Variants in TANC1 observed in about 807,000 individuals in gnomAD.
TANC1 encodes the protein protein TANC1.
A neutral mutation model predicts 149.7 loss-of-function variants in TANC1; 77 were observed. The observed-to-expected ratio is 0.51, with a 90% CI of 0.43 to 0.62. The LOEUF is 0.62. Among genes scored for constraint, TANC1 ranks in the 20% least tolerant of loss-of-function variants. The pLI is 0.00. For missense variants in TANC1, 1,985 were observed against 2,321.8 expected (o/e 0.85, Z 2.98); for synonymous variants, 854 against 925.0 (o/e 0.92, Z 1.39).
chr2:159,138,696 T>A (rs1423519062), intron 5 of TANC1, among the ~76,000 whole-genome samples: 1 of 152,242 alleles, frequency 6.6e-6, no homozygotes, highest in East Asian at 1.9e-4. Context: ...CATTCTTGTT[T>A]AAGTTTCTAA....
intron 1 of TANC1, among the ~76,000 whole-genome samples, chr2:158,983,992 TC>T (rs2034724275): frequency 1.3e-5 from 2 of 152,234 alleles, no homozygotes; most frequent in African/African-American, 4.8e-5. Context: ...ATCAGCTGTT[TC>T]CAAGTCTTGG....
At chr2:159,210,049 G>A (rs961498413) in intron 19 of TANC1, among the ~76,000 whole-genome samples, 4 of 148,702 alleles carry the variant, frequency 2.7e-5, no homozygotes, top group African/African-American at 4.9e-5. Flanking sequence ...GAGCCCAGCC[G>A]CCCTGCCCTG....
chr2:159,076,677 A>G (rs1245883156), intron 3 of TANC1, among the ~76,000 whole-genome samples: 3 of 152,192 alleles, frequency 2.0e-5, no homozygotes, highest in African/African-American at 7.2e-5. Flanking sequence ...AAGTAATGAC[A>G]TTTTGAAGTT....
At chr2:158,992,242 C>T (rs2035701793) in intron 1 of TANC1, among the ~76,000 whole-genome samples, 1 of 151,572 alleles carries the variant, frequency 6.6e-6, no homozygotes, top group Non-Finnish European at 1.5e-5. Context: ...TGTGCACCTG[C>T]AATCTCATCT....
At chr2:159,074,330 C>T (rs1047433343) in intron 3 of TANC1, among the ~76,000 whole-genome samples, 1 of 152,140 alleles carries the variant, frequency 6.6e-6, no homozygotes, top group Non-Finnish European at 1.5e-5. Context: ...AGATTTGGTA[C>T]ATGGTGATGA....
chr2:159,102,170 A>G (rs264640), intron 4 of TANC1, among the ~76,000 whole-genome samples: 146,521 of 152,242 alleles, frequency 0.96, 70,607 homozygotes, highest in East Asian at 1. Flanking sequence ...ATCCCATCGA[A>G]AAAGAACTAC....
rs569910739 is a variant in TANC1 at position 159,042,272 on chromosome 2, A to T, written c.-15-23624A>T. Among the ~76,000 whole-genome samples the T allele has an allele frequency of 5.9e-4, 90 of 152,246 alleles. 1 individual carries two copies. The South Asian group carries it at 0.017, about 29-fold the overall frequency. ...TGCCAAGGTGGTTTTTTTGGCCCAA[A>T]CGTGACTGCACATGATCCCGTTCTT... On this transcript the variant is annotated intron_variant, in intron 2 of 26. Coordinates refer to ENST00000263635, the MANE Select transcript of TANC1 (RefSeq NM_033394.3).
intron 19 of TANC1, among the ~76,000 whole-genome samples, chr2:159,215,143 G>A (rs2059261902): frequency 6.6e-6 from 1 of 152,174 alleles, no homozygotes; most frequent in Admixed American, 6.5e-5. Flanking sequence ...TGGTCATCCT[G>A]GACCTAACCC....
chr2:159,091,963 G>GGC (rs1443828261), intron 3 of TANC1, among the ~76,000 whole-genome samples: 63 of 132,846 alleles, frequency 4.7e-4, no homozygotes. Context: ...TGTAAATATA[G>GGC]GGGGGGGTGT....
At chr2:159,100,631 T>C (rs2149941398) in intron 4 of TANC1, among the ~76,000 whole-genome samples, 1 of 152,322 alleles carries the variant, frequency 6.6e-6, no homozygotes, top group African/African-American at 2.4e-5. Context: ...AACGGAGCAG[T>C]GCTTGTTCAC....
intron 2 of TANC1, among the ~76,000 whole-genome samples, chr2:159,011,238 T>TG (rs2037724756): frequency 6.6e-6 from 1 of 152,136 alleles, no homozygotes; most frequent in African/African-American, 2.4e-5. Flanking sequence ...TTACATGAAA[T>TG]GAAAAAAGTC....
At chr2:159,206,505 T>C (rs1431601155) in intron 19 of TANC1, among the ~76,000 whole-genome samples, 1 of 152,160 alleles carries the variant, frequency 6.6e-6, no homozygotes, top group Non-Finnish European at 1.5e-5. Flanking sequence ...CCAGGGGTGG[T>C]GTCTCAAGCA....
At chr2:159,191,066 T>C (rs1391468829) in intron 16 of TANC1, among the ~76,000 whole-genome samples, 1 of 152,184 alleles carries the variant, frequency 6.6e-6, no homozygotes, top group Admixed American at 6.5e-5. Context: ...CAAGTACAAG[T>C]TGACAGCGAG....
At chr2:158,978,107 G>A (rs1478354179) in intron 1 of TANC1, among the ~76,000 whole-genome samples, 1 of 152,178 alleles carries the variant, frequency 6.6e-6, no homozygotes, top group East Asian at 1.9e-4. Flanking sequence ...TGGCTTTGCA[G>A]ATGGGTTGTA....
rs757494859 is a variant in TANC1 at position 159,217,507 on chromosome 2, C to T, written c.3255C>T (p.Ala1085=). The change falls in exon 20 of 27, where the codon GCC becomes GCT. Residue 1085 remains alanine, a synonymous_variant. Transcript: ENST00000263635. ...DTLWGETALT[A]AAGRGKLEVC... is the part of the protein sequence containing the mutation. ...GTGACTTTCCTTTAGCCCTGACTGC[C>T]GCCGCAGGAAGAGGGAAGCTGGAGG... is the stretch of plus-strand genomic sequence containing the variant. 19 of 1,614,050 alleles carry T rather than the reference C, an allele frequency of 1.2e-5. No individual in the cohort carries two copies. Among genetic ancestry groups the T allele is most frequent in the African/African-American group, 2.7e-5 (2 of 74,928 alleles).
chr2:159,139,212 A>G (rs2051102830), intron 5 of TANC1, among the ~76,000 whole-genome samples: 1 of 148,952 alleles, frequency 6.7e-6, no homozygotes, highest in Admixed American at 6.6e-5. Context: ...TTTAAAAAAG[A>G]AAGGAAGGAA....
At chr2:159,153,088 CATT>C (rs1175403146) in intron 7 of TANC1, among the ~76,000 whole-genome samples, 2 of 152,154 alleles carry the variant, frequency 1.3e-5, no homozygotes, top group Admixed American at 6.5e-5. Flanking sequence ...ACAGGGGTCT[CATT>C]AATCCAGCTA....
chr2:158,979,339 A>T (rs1461724727), intron 1 of TANC1, among the ~76,000 whole-genome samples: 4 of 151,654 alleles, frequency 2.6e-5, no homozygotes, highest in East Asian at 1.9e-4. Flanking sequence ...ATTTTTTTTT[A>T]AAAATTAGCC....
chr2:159,165,808 T>A (rs975677319), intron 8 of TANC1, among the ~76,000 whole-genome samples: 6 of 152,218 alleles, frequency 3.9e-5, no homozygotes, highest in Non-Finnish European at 8.8e-5. Context: ...GATTGGCAGG[T>A]AAAGGAAGGG....
Sources: gnomAD v4.1 joint callset for allele counts (sites outside exome capture counted in the v4.1 genomes callset) on GRCh38, gnomAD v4.1.1 for gene constraint, MANE v1.5 for transcripts, NCBI Gene and HGNC (gene_info 2026-07-23, HGNC 2026-07-21) for gene names.